The following FAM107B variants were observed in gnomAD, a reference collection of about 807,000 sequenced individuals.
FAM107B encodes the protein family with sequence similarity 107 member B.
A neutral mutation model predicts 31.5 loss-of-function variants in FAM107B; 21 were observed. That is an observed-to-expected ratio of 0.67 (90% CI 0.47 to 0.96). The LOEUF (loss-of-function observed/expected upper bound fraction) is 0.96, where lower values mean the gene tolerates loss of function less well. Among genes scored for constraint, FAM107B ranks in the 40% least tolerant of loss-of-function variants. The pLI is 0.00. For synonymous variants in FAM107B, 157 were observed against 141.5 expected (o/e 1.11, Z -0.78); for missense variants, 452 against 377.1 (o/e 1.20, Z -1.64).
chr10:14,527,526 A>G (rs1466896853), intron 3 of FAM107B, among the ~76,000 whole-genome samples: 7 of 152,386 alleles, frequency 4.6e-5, no homozygotes, highest in East Asian at 3.9e-4. Context: ...AAGTCTCCAC[A>G]TAAACTTGCT....
At chr10:14,643,410 A>ATTT (rs202127820) in intron 2 of FAM107B, among the ~76,000 whole-genome samples, 3 of 140,290 alleles carry the variant, frequency 2.1e-5, no homozygotes, top group South Asian at 2.3e-4. Flanking sequence ...GGTCAGTCTA[A>ATTT]TTTTTTTTTT....
intron 1 of FAM107B, among the ~76,000 whole-genome samples, chr10:14,719,787 T>C (rs1161474329): frequency 6.6e-6 from 1 of 152,172 alleles, no homozygotes; most frequent in Non-Finnish European, 1.5e-5. Flanking sequence ...CCTCACACCA[T>C]CTCTGTCTTC....
chr10:14,687,437 T>C (rs1265894632), intron 1 of FAM107B, among the ~76,000 whole-genome samples: 1 of 152,142 alleles, frequency 6.6e-6, no homozygotes, highest in Non-Finnish European at 1.5e-5. Flanking sequence ...TCAGTATGTA[T>C]CTTTAGAATT....
intron 1 of FAM107B, among the ~76,000 whole-genome samples, chr10:14,702,729 G>C (rs1855429947): frequency 6.6e-6 from 1 of 152,100 alleles, no homozygotes; most frequent in Non-Finnish European, 1.5e-5. Context: ...TCCCATAGCA[G>C]AATAAGTTTT....
intron 2 of FAM107B, among the ~76,000 whole-genome samples, chr10:14,588,839 C>T (rs928032886): frequency 6.6e-6 from 1 of 152,040 alleles, no homozygotes; most frequent in Non-Finnish European, 1.5e-5. Flanking sequence ...AGGAGGGCTC[C>T]AAACCCATCC....
chr10:14,698,188 T>A (rs528782312), intron 1 of FAM107B, among the ~76,000 whole-genome samples: 1 of 152,320 alleles, frequency 6.6e-6, no homozygotes, highest in Non-Finnish European at 1.5e-5. Flanking sequence ...GAGTAATTTT[T>A]ACATGCATGA....
At chr10:14,720,165 T>C (rs1479983704) in intron 1 of FAM107B, among the ~76,000 whole-genome samples, 2 of 152,232 alleles carry the variant, frequency 1.3e-5, no homozygotes, top group Non-Finnish European at 2.9e-5. Flanking sequence ...CATTTCATAG[T>C]TATCAAGTAG....
intron 1 of FAM107B, among the ~76,000 whole-genome samples, chr10:14,728,049 C>G (rs974346939): frequency 6.6e-6 from 1 of 152,134 alleles, no homozygotes; most frequent in Non-Finnish European, 1.5e-5. Flanking sequence ...CCCTCCTCCC[C>G]CCATACATTT....
intron 2 of FAM107B, among the ~76,000 whole-genome samples, chr10:14,618,268 C>T (rs899903450): frequency 2.5e-4 from 38 of 152,246 alleles, no homozygotes; most frequent in African/African-American, 8.7e-4. Flanking sequence ...AAGTGGTATT[C>T]CATTGTATTG....
intron 1 of FAM107B, among the ~76,000 whole-genome samples, chr10:14,764,555 C>T (rs1450213960): frequency 6.6e-6 from 1 of 152,166 alleles, no homozygotes. Flanking sequence ...TGCAGAATTA[C>T]AAAACCAAGT....
At chr10:14,564,228 A>G (rs1850474606) in intron 2 of FAM107B, among the ~76,000 whole-genome samples, 3 of 152,194 alleles carry the variant, frequency 2.0e-5, no homozygotes. Flanking sequence ...ACAGATTAAT[A>G]AATCCATTGA....
At chr10:14,607,765 T>C (rs1357553332) in intron 2 of FAM107B, among the ~76,000 whole-genome samples, 2 of 152,200 alleles carry the variant, frequency 1.3e-5, no homozygotes, top group Non-Finnish European at 2.9e-5. Context: ...TGATTTGCTT[T>C]CAATACAAAT....
chr10:14,691,981 C>T (rs1383051346), intron 1 of FAM107B, among the ~76,000 whole-genome samples: 2 of 151,958 alleles, frequency 1.3e-5, no homozygotes, highest in African/African-American at 4.8e-5. Context: ...CTTCTACCTA[C>T]ATCACTGCAT....
chr10:14,702,060 A>C (rs1461467608), intron 1 of FAM107B, among the ~76,000 whole-genome samples: 1 of 152,280 alleles, frequency 6.6e-6, no homozygotes, highest in Non-Finnish European at 1.5e-5. Context: ...TTTCAGATGA[A>C]GAGCAGGGAA....
At chr10:14,615,688 A>G (rs551329935) in intron 2 of FAM107B, among the ~76,000 whole-genome samples, 1 of 152,378 alleles carries the variant, frequency 6.6e-6, no homozygotes, top group East Asian at 1.9e-4. Context: ...CTGAGCATTT[A>G]TAAATTACTT....
chr10:14,672,146 T>C (rs1011264729), intron 1 of FAM107B, among the ~76,000 whole-genome samples: 1 of 151,540 alleles, frequency 6.6e-6, no homozygotes, highest in Non-Finnish European at 1.5e-5. Flanking sequence ...TGCCCAGCAG[T>C]GGCGTGATCT....
chr10:14,540,104 G>A (rs1442080111), intron 2 of FAM107B, among the ~76,000 whole-genome samples: 1 of 152,166 alleles, frequency 6.6e-6, no homozygotes, highest in East Asian at 1.9e-4. Flanking sequence ...AAGCCCCAAA[G>A]CACAGAATGT....
At chr10:14,674,886 C>G (rs533340321) in intron 1 of FAM107B, among the ~76,000 whole-genome samples, 1 of 152,098 alleles carries the variant, frequency 6.6e-6, no homozygotes, top group Admixed American at 6.6e-5. Flanking sequence ...AGGCATGCAG[C>G]ACCACACCTG....
intron 2 of FAM107B, among the ~76,000 whole-genome samples, chr10:14,655,880 A>T (rs545290177): frequency 3.3e-5 from 5 of 152,234 alleles, no homozygotes; most frequent in African/African-American, 1.2e-4. Flanking sequence ...GGATTGGGTG[A>T]CAATTACTCC....
Sources: gnomAD v4.1 joint callset for allele counts (sites outside exome capture counted in the v4.1 genomes callset) on GRCh38, gnomAD v4.1.1 for gene constraint, MANE v1.5 for transcripts, NCBI Gene and HGNC (gene_info 2026-07-23, HGNC 2026-07-21) for gene names.